The following EMCN variants were observed in gnomAD, a reference collection of about 807,000 sequenced individuals.
The protein encoded by EMCN is MUC-14.
EMCN carries 37 observed loss-of-function variants against 38.4 expected under a neutral mutation model. The observed-to-expected ratio is 0.96, with a 90% CI of 0.74 to 1.27. EMCN has a LOEUF of 1.27. Ranked by LOEUF, EMCN falls within the 50% of genes most tolerant of loss-of-function variation. The pLI, the probability that EMCN is intolerant of heterozygous loss-of-function variation, is 0.00. For synonymous variants in EMCN, 95 were observed against 100.8 expected (o/e 0.94, Z 0.35); for missense variants, 318 against 302.8 (o/e 1.05, Z -0.37).
At chr4:100,400,786 G>A (rs1294557385) in intron 11 of EMCN, among the ~76,000 whole-genome samples, 2 of 152,088 alleles carry the variant, frequency 1.3e-5, no homozygotes. Flanking sequence ...ACAAACTCTA[G>A]TTTCATCAGC....
chr4:100,457,650 A>G lies in EMCN; in HGVS notation c.376+7773T>C, dbSNP rs190984976. On this transcript the variant is annotated intron_variant, in intron 4 of 11. Transcript: ENST00000296420. ...ATCTCGCATTCCACAAATAAATGCC[A>G]CTTGAAACAAGATGTCTAATCCTCT... Among the ~76,000 whole-genome samples the G allele has an allele frequency of 3.9e-5, 6 of 152,304 alleles. No homozygotes were observed. The East Asian group carries it at 1.2e-3, about 29-fold the overall frequency.
chr4:100,424,050 G>A (rs1308316443), intron 5 of EMCN, among the ~76,000 whole-genome samples: 5 of 151,266 alleles, frequency 3.3e-5, no homozygotes, highest in African/African-American at 9.7e-5. Context: ...TATTGTTATC[G>A]TTATTTGTTT....
chr4:100,470,138 C>T (rs1728434545), intron 3 of EMCN, among the ~76,000 whole-genome samples: 1 of 151,798 alleles, frequency 6.6e-6, no homozygotes, highest in South Asian at 2.1e-4. Flanking sequence ...TTTGCATACT[C>T]TGCATCCAAC....
At chr4:100,445,416 T>C (rs894077878) in intron 5 of EMCN, among the ~76,000 whole-genome samples, 22 of 152,156 alleles carry the variant, frequency 1.4e-4, no homozygotes, top group Admixed American at 1.3e-3. Context: ...TTGAAGTCGT[T>C]GCAAAAATGT....
chr4:100,481,217 A>G (rs570669768), intron 1 of EMCN, among the ~76,000 whole-genome samples: 2 of 152,286 alleles, frequency 1.3e-5, no homozygotes, highest in East Asian at 3.9e-4. Context: ...ATTATAGTAA[A>G]TGTATGTCAA....
intron 8 of EMCN, 138 bp from the exon 9 acceptor site, chr4:100,417,279 A>T (rs1578398240): frequency 7.9e-5 from 64 of 814,392 alleles, no homozygotes; most frequent in Admixed American, 4.7e-4. Context: ...AAATATTTTA[A>T]TTTTCCCCTT....
At position 100,396,986 on chromosome 4, in the gene EMCN, T is replaced by A. The variant is rs1373161412; in HGVS notation, c.*1427A>T. 2 of 151,522 alleles carry A rather than the reference T, an allele frequency of 1.3e-5. No individual in the cohort carries two copies. The highest frequency in any genetic ancestry group is 1.3e-4 in the Admixed American group (2 of 15,180). 9.4% of individuals were successfully genotyped at this position (151,522 alleles called of 1,614,324 possible). A position where few individuals can be genotyped will look rare whatever the true frequency, so the allele number is the denominator to read the frequency against. On this transcript the variant is annotated 3_prime_UTR_variant, in exon 12 of 12. Transcript: ENST00000296420. ...CCCATCCTTCTCAAAGAGACACCAGTCAGAAATATAGATATGCTTATGCTT... is the reference window on the plus strand; with the variant it reads ...CCCATCCTTCTCAAAGAGACACCAGACAGAAATATAGATATGCTTATGCTT...
intron 1 of EMCN, among the ~76,000 whole-genome samples, chr4:100,506,584 C>T (rs1225750607): frequency 2.6e-5 from 4 of 151,460 alleles, no homozygotes; most frequent in Non-Finnish European, 5.9e-5. Context: ...AAAAAAAAAA[C>T]CCTGAAAATA....
At chr4:100,443,743 G>A (rs577021322) in intron 5 of EMCN, among the ~76,000 whole-genome samples, 1 of 152,318 alleles carries the variant, frequency 6.6e-6, no homozygotes, top group African/African-American at 2.4e-5. Context: ...TCCCCAGTAA[G>A]GCAGGGTCTG....
chr4:100,444,550 T>C (rs1422390756), intron 5 of EMCN, among the ~76,000 whole-genome samples: 1 of 152,064 alleles, frequency 6.6e-6, no homozygotes. Context: ...TGGAGCGCCA[T>C]TTCAGTTCAG....
At chr4:100,430,836 C>T (rs1238586329) in intron 5 of EMCN, among the ~76,000 whole-genome samples, 1 of 152,080 alleles carries the variant, frequency 6.6e-6, no homozygotes, top group Non-Finnish European at 1.5e-5. Flanking sequence ...TAATTGAATT[C>T]TTTTATTCTC....
At chr4:100,472,191 T>C (rs550873783) in intron 3 of EMCN, among the ~76,000 whole-genome samples, 193 of 152,022 alleles carry the variant, frequency 1.3e-3, no homozygotes, top group African/African-American at 4.5e-3. Flanking sequence ...ATCTTGAACA[T>C]AGAAAATTCT....
At chr4:100,479,878 TGTTAAA>T (rs1422161969) in intron 2 of EMCN, 33 bp downstream of exon 2, 1 of 1,557,092 alleles carries the variant, frequency 6.4e-7, no homozygotes, top group Non-Finnish European at 8.7e-7. Flanking sequence ...TAATTTTATT[TGTTAAA>T]GTTAAACTAA....
At chr4:100,513,083 T>A (rs1729669923) in intron 1 of EMCN, among the ~76,000 whole-genome samples, 3 of 152,200 alleles carry the variant, frequency 2.0e-5, no homozygotes, top group Admixed American at 1.3e-4. Context: ...TCTGGATAAC[T>A]ACAATTTTCA....
chr4:100,453,414 TG>T (rs1727906537), intron 4 of EMCN, among the ~76,000 whole-genome samples: 1 of 152,116 alleles, frequency 6.6e-6, no homozygotes, highest in Non-Finnish European at 1.5e-5. Context: ...AAAAGACACA[TG>T]AAAAATTGCT....
chr4:100,412,525 G>A (rs954420477), intron 10 of EMCN, among the ~76,000 whole-genome samples: 1 of 152,068 alleles, frequency 6.6e-6, no homozygotes, highest in Admixed American at 6.6e-5. Flanking sequence ...GAGATAATGT[G>A]TATTAACTGT....
intron 5 of EMCN, chr4:100,445,913 G>C: frequency 8.5e-6 from 2 of 236,602 alleles, no homozygotes; most frequent in Non-Finnish European, 1.4e-5. Context: ...TAAATTGTTT[G>C]TTACTTATTT....
intron 11 of EMCN, among the ~76,000 whole-genome samples, chr4:100,402,306 T>A (rs1194697065): frequency 6.6e-6 from 1 of 152,142 alleles, no homozygotes; most frequent in African/African-American, 2.4e-5. Flanking sequence ...TAAAATCTTG[T>A]TTTGATATGG....
At chr4:100,410,463 C>A (rs1726521540) in intron 10 of EMCN, 108 bp from the exon 11 acceptor site, 3 of 1,083,720 alleles carry the variant, frequency 2.8e-6, no homozygotes, top group Admixed American at 2.1e-5. Context: ...AACTTTCCTG[C>A]AAGAATGTCA....
Sources: allele counts gnomAD v4.1 joint callset (sites outside exome capture counted in the v4.1 genomes callset), GRCh38; gene constraint gnomAD v4.1.1; transcripts MANE v1.5; gene names NCBI Gene and HGNC (gene_info 2026-07-23, HGNC 2026-07-21).